The following UGP2 variants were observed in gnomAD, a reference collection of about 807,000 sequenced individuals.
UGP2 encodes the protein UDP-glucose pyrophosphorylase 2, also known as UTP--glucose-1-phosphate uridylyltransferase.
A neutral mutation model predicts 49.0 loss-of-function variants in UGP2; 40 were observed. The observed-to-expected ratio is 0.82, with a 90% CI of 0.63 to 1.06. UGP2 has a LOEUF of 1.06. UGP2 is among the 50% of genes least tolerant of loss of function. The probability of loss-of-function intolerance (pLI) is 0.00; values close to 1 mark genes in which losing one functional copy is unlikely to be tolerated. For synonymous variants in UGP2, 225 were observed against 213.0 expected (o/e 1.06, Z -0.49); for missense variants, 460 against 603.5 (o/e 0.76, Z 2.49).
chr2:63,842,059 T>C lies in UGP2; in HGVS notation c.-127T>C, dbSNP rs866181637. 1.2e-5 allele frequency: 14 copies of C among 1,132,670 alleles called. No homozygotes were observed. Among genetic ancestry groups the C allele is most frequent in the African/African-American group, 9.4e-5 (6 of 64,058 alleles). The allele number at this position is 1,132,670 out of a possible 1,614,324, so 70.2% of individuals were successfully genotyped here. Reference sequence around the variant, plus strand: ...CGCTTTGAATAAATACTCCCTTAAGTAGTTAAATATAGGAGGAGAAAGAAT... The same window carrying C: ...CGCTTTGAATAAATACTCCCTTAAGCAGTTAAATATAGGAGGAGAAAGAAT... On this transcript the variant is annotated 5_prime_UTR_variant, in exon 1 of 10. Coordinates refer to ENST00000337130, the MANE Select transcript of UGP2 (RefSeq NM_006759.4).
chr2:63,855,451 T>C (rs1382738093), intron 1 of UGP2: 2 of 472,406 alleles, frequency 4.2e-6, no homozygotes, highest in East Asian at 1.2e-4. Context: ...ACTTTCTAGA[T>C]AAAGTATAAA....
rs758370180 is a variant in UGP2 at position 63,860,414 on chromosome 2, T to C, written c.255+2478T>C. ...CAATGGCAGAGTTGAATAGTTGGAG[T>C]GGAGACAGTATGGCTTGTAACAAAA... On this transcript the variant is annotated intron_variant, in intron 3 of 9. Coordinates refer to ENST00000337130, the MANE Select transcript of UGP2 (RefSeq NM_006759.4). 1.1e-4 allele frequency among the ~76,000 whole-genome samples: 16 copies of C among 152,286 alleles called. 1 individual carries two copies. Among genetic ancestry groups the C allele is most frequent in the African/African-American group, 1.4e-4 (6 of 41,558 alleles).
At position 63,882,460 on chromosome 2, in the gene UGP2, T is replaced by C. The variant is rs1439415083; in HGVS notation, c.256-6T>C. 4 of 1,560,840 alleles carry C rather than the reference T, an allele frequency of 2.6e-6. No homozygotes were observed. The highest frequency in any genetic ancestry group is 1.2e-5 in the South Asian group (1 of 82,592). On this transcript the variant is annotated splice_polypyrimidine_tract_variant and splice_region_variant and intron_variant, in intron 3 of 9. Coordinates refer to ENST00000337130, the MANE Select transcript of UGP2 (RefSeq NM_006759.4). ...AATTACTCCTATAATGTTATTTTTC[T>C]TTCAGATTCAACCCTATGAAAAGAT...
intron 9 of UGP2, 37 bp from the exon 10 acceptor site, chr2:63,891,083 G>T: frequency 6.4e-7 from 1 of 1,561,310 alleles, no homozygotes; most frequent in Non-Finnish European, 8.8e-7. Context: ...TTGCATTTCA[G>T]TTGCAAGTAC....
intron 8 of UGP2, 72 bp from the exon 9 acceptor site, chr2:63,890,009 C>T: frequency 8.3e-7 from 1 of 1,203,284 alleles, no homozygotes; most frequent in East Asian, 2.4e-5. Flanking sequence ...GTTAAACTTT[C>T]TTGTTAATAT....
chr2:63,851,299 A>G (rs1407715155), intron 1 of UGP2, among the ~76,000 whole-genome samples: 1 of 152,156 alleles, frequency 6.6e-6, no homozygotes, highest in African/African-American at 2.4e-5. Flanking sequence ...GCATGACATA[A>G]TGTAGTTTTT....
chr2:63,884,883 C>A (rs909664067), intron 5 of UGP2, among the ~76,000 whole-genome samples: 1 of 150,750 alleles, frequency 6.6e-6, no homozygotes, highest in Non-Finnish European at 1.5e-5. Flanking sequence ...GGCAACAGAG[C>A]AAGACCCTAT....
intron 3 of UGP2, among the ~76,000 whole-genome samples, chr2:63,861,692 AAAAAAAAAAAAC>A: frequency 6.6e-6 from 1 of 151,402 alleles, no homozygotes; most frequent in African/African-American, 2.4e-5. Flanking sequence ...TGTCTCAAAA[AAAAAAAAAAAAC>A]AAAAAAACGA....
At chr2:63,867,995 T>A (rs1440874553) in intron 3 of UGP2, among the ~76,000 whole-genome samples, 1 of 152,232 alleles carries the variant, frequency 6.6e-6, no homozygotes, top group Non-Finnish European at 1.5e-5. Flanking sequence ...CTATTTTGTT[T>A]AATGAGTTTT....
intron 3 of UGP2, among the ~76,000 whole-genome samples, chr2:63,858,984 G>GT (rs1292819156): frequency 7.1e-6 from 1 of 141,822 alleles, no homozygotes; most frequent in Non-Finnish European, 1.5e-5. Context: ...TAGAAGTGTA[G>GT]TTTCCTTTTT....
At chr2:63,869,644 T>C (rs1162278075) in intron 3 of UGP2, among the ~76,000 whole-genome samples, 5 of 152,142 alleles carry the variant, frequency 3.3e-5, no homozygotes, top group Admixed American at 2.6e-4. Context: ...TTGCTTAGAG[T>C]TTTACTAAGG....
At chr2:63,846,427 T>C (rs943658686) in intron 1 of UGP2, among the ~76,000 whole-genome samples, 3 of 113,678 alleles carry the variant, frequency 2.6e-5, no homozygotes, top group Non-Finnish European at 5.4e-5. Flanking sequence ...TGCTCTAATA[T>C]TAGAGGCATT....
chr2:63,873,789 G>A (rs114477586), intron 3 of UGP2, among the ~76,000 whole-genome samples: 2 of 152,154 alleles, frequency 1.3e-5, no homozygotes, highest in African/African-American at 4.8e-5. Context: ...TTCCGCTTAG[G>A]ATTAGATTCA....
intron 1 of UGP2, among the ~76,000 whole-genome samples, chr2:63,851,353 A>G (rs1669029524): frequency 6.6e-6 from 1 of 152,188 alleles, no homozygotes; most frequent in Non-Finnish European, 1.5e-5. Flanking sequence ...ACATTTAACT[A>G]AAGAATTGGG....
chr2:63,842,357 A>G (rs1671616622), intron 1 of UGP2, 153 bp downstream of exon 1: 1 of 1,602,522 alleles, frequency 6.2e-7, no homozygotes, highest in South Asian at 1.1e-5. Context: ...AGCTGCCTTG[A>G]GCTGCTGGGT....
At position 63,878,739 on chromosome 2, in the gene UGP2, A is replaced by G. The variant is rs555559735; in HGVS notation, c.256-3727A>G. ...CCACCATGCTCAGGTAATTAAAAAA[A>G]TTTTTTTGTAGAGGCAAGGTCTCAC... On this transcript the variant is annotated intron_variant, in intron 3 of 9. Transcript: ENST00000337130. Among the ~76,000 whole-genome samples the G allele has an allele frequency of 3.9e-5, 6 of 152,138 alleles. No homozygotes were observed. In the East Asian group the frequency reaches 9.7e-4, roughly 24 times the overall value.
At chr2:63,854,186 C>T (rs1269667791) in intron 1 of UGP2, among the ~76,000 whole-genome samples, 1 of 152,210 alleles carries the variant, frequency 6.6e-6, no homozygotes, top group Non-Finnish European at 1.5e-5. Context: ...CAACTATTTT[C>T]AACCTGTTTC....
chr2:63,847,857 T>G (rs1242766324), intron 1 of UGP2, among the ~76,000 whole-genome samples: 1 of 152,240 alleles, frequency 6.6e-6, no homozygotes, highest in Non-Finnish European at 1.5e-5. Flanking sequence ...CATCTGGGCG[T>G]ATACGTGCAA....
rs1672134715 is a variant in UGP2 at position 63,891,248 on chromosome 2, CTT to C, written c.*22_*23del. ...ACTGAAATGAAAAATACTGTGGACA[CTT>C]AAATAATGGGCTAGTTTCTTACAAT... On this transcript the variant is annotated 3_prime_UTR_variant, in exon 10 of 10. Coordinates refer to ENST00000337130, the MANE Select transcript of UGP2 (RefSeq NM_006759.4). 1 of 1,575,400 alleles carries C rather than the reference CTT, an allele frequency of 6.3e-7. No homozygotes were observed. Among genetic ancestry groups the C allele is most frequent in the Non-Finnish European group, 8.7e-7 (1 of 1,146,846 alleles).
Sources: gnomAD v4.1 joint callset for allele counts (sites outside exome capture counted in the v4.1 genomes callset) on GRCh38, gnomAD v4.1.1 for gene constraint, MANE v1.5 for transcripts, NCBI Gene and HGNC (gene_info 2026-07-23, HGNC 2026-07-21) for gene names.